The following MALL variants were observed in gnomAD, a reference collection of about 807,000 sequenced individuals.
MALL encodes mal, T cell differentiation protein like.
MALL carries 2 observed loss-of-function variants against 10.3 expected under a neutral mutation model. The ratio of observed to expected loss-of-function variants is 0.19; its 90% confidence interval spans 0.08 to 0.61. The LOEUF (loss-of-function observed/expected upper bound fraction) is 0.61. MALL is among the 20% of genes least tolerant of loss of function. The probability of loss-of-function intolerance (pLI) is 0.88; values close to 1 mark genes in which losing one functional copy is unlikely to be tolerated. For synonymous variants in MALL, 27 were observed against 51.8 expected (o/e 0.52, Z 2.05); for missense variants, 39 against 115.2 (o/e 0.34, Z 3.03).
intron 1 of MALL, among the ~76,000 whole-genome samples, chr2:110,104,760 TC>T (rs1678650441): frequency 6.6e-6 from 1 of 152,196 alleles, no homozygotes; most frequent in South Asian, 2.1e-4. Flanking sequence ...CCTGGAGTGC[TC>T]GTTGCATCTT....
rs547152044 is a variant in MALL at position 110,108,856 on chromosome 2, TACA to T, written c.105+6829_105+6831del. On this transcript the variant is annotated intron_variant, in intron 1 of 3. Coordinates refer to ENST00000272462, the MANE Select transcript of MALL (RefSeq NM_005434.5). ...GCAGCAGATTTCTCAGCAGAAACCCTACAACCTAGAAGAGACTGCGGACCTATC... is the reference window on the plus strand; with the variant it reads ...GCAGCAGATTTCTCAGCAGAAACCCTACCTAGAAGAGACTGCGGACCTATC... 9.4e-4 allele frequency among the ~76,000 whole-genome samples: 143 copies of T among 152,296 alleles called. 1 individual carries two copies. Among genetic ancestry groups the T allele is most frequent in the African/African-American group, 3.3e-3 (138 of 41,578 alleles).
intron 1 of MALL, among the ~76,000 whole-genome samples, chr2:110,095,742 C>A (rs1250511910): frequency 1.3e-5 from 2 of 151,506 alleles, no homozygotes; most frequent in Non-Finnish European, 2.9e-5. Flanking sequence ...TAAAAACACC[C>A]AGATTGGTGT....
intron 1 of MALL, among the ~76,000 whole-genome samples, chr2:110,110,726 G>C (rs532168421): frequency 6.6e-6 from 1 of 152,046 alleles, no homozygotes; most frequent in African/African-American, 2.4e-5. Context: ...TATGAAGCCA[G>C]CATCACCCTA....
At chr2:110,097,426 C>G (rs1469679456) in intron 1 of MALL, 3 of 454,770 alleles carry the variant, frequency 6.6e-6, no homozygotes, top group Non-Finnish European at 1.3e-5. Flanking sequence ...CGCGTGGGCA[C>G]TGGAGTCTCA....
intron 1 of MALL, among the ~76,000 whole-genome samples, chr2:110,104,324 C>T (rs1227457223): frequency 6.6e-6 from 1 of 152,186 alleles, no homozygotes; most frequent in East Asian, 1.9e-4. Context: ...TGAATCCCCT[C>T]TGTGTGAAGC....
rs1437794538 is a variant in MALL, at chr2:110,092,503, C to T, written c.106-733G>A. On this transcript the variant is annotated intron_variant, in intron 1 of 3. Transcript: ENST00000272462. ...CCATAAACATTGCAAATATATTCTG[C>T]TAGCATTCACATATTTTCTGGTTTC... Among the ~76,000 whole-genome samples the T allele has an allele frequency of 3.9e-3, 217 of 55,984 alleles. 3 individuals carry two copies. The highest frequency in any genetic ancestry group is 8.7e-3 in the African/African-American group (191 of 21,898). 36.7% of individuals were successfully genotyped at this position (55,984 alleles called of 152,430 possible).
chr2:110,108,738 A>C (rs906718930), intron 1 of MALL, among the ~76,000 whole-genome samples: 1 of 152,202 alleles, frequency 6.6e-6, no homozygotes, highest in Non-Finnish European at 1.5e-5. Context: ...GCACATTGTC[A>C]TCAGGTTATC....
At chr2:110,106,289 A>G (rs564308831) in intron 1 of MALL, among the ~76,000 whole-genome samples, 1 of 152,232 alleles carries the variant, frequency 6.6e-6, no homozygotes, top group Admixed American at 6.5e-5. Context: ...TCAGCTTATA[A>G]AAAAGCTGAT....
chr2:110,106,309 C>T (rs555626649), intron 1 of MALL, among the ~76,000 whole-genome samples: 16 of 152,224 alleles, frequency 1.1e-4, no homozygotes, highest in Non-Finnish European at 1.6e-4. Context: ...TGAGTCACCT[C>T]GTATCATACA....
chr2:110,115,542 C>T lies in MALL; in HGVS notation c.105+146G>A, dbSNP rs184708229. On this transcript the variant is annotated intron_variant, in intron 1 of 3. Coordinates refer to ENST00000272462, the MANE Select transcript of MALL (RefSeq NM_005434.5). ...CTGGGTCCGAGGCCGGTCTCCCCCC[C>T]CCTCTCTGCAGGTGGCCCCTGTGCT... 73 of 430,460 alleles carry T rather than the reference C, an allele frequency of 1.7e-4. 1 individual carries two copies. Among genetic ancestry groups the T allele is most frequent in the South Asian group, 1.7e-3 (19 of 11,254 alleles). 26.7% of individuals were successfully genotyped at this position (430,460 alleles called of 1,614,324 possible).
intron 1 of MALL, among the ~76,000 whole-genome samples, chr2:110,103,146 C>T (rs1033786124): frequency 1.3e-5 from 2 of 152,126 alleles, no homozygotes; most frequent in African/African-American, 2.4e-5. Context: ...TCTGGGACCC[C>T]GCTGGTATCT....
At chr2:110,091,472 TA>T in intron 2 of MALL, 130 bp downstream of exon 2, 1 of 1,099,792 alleles carries the variant, frequency 9.1e-7, no homozygotes, top group Non-Finnish European at 1.2e-6. Context: ...AGCGTGGTAG[TA>T]AAAATGGTAA....
intron 1 of MALL, chr2:110,097,663 G>C: frequency 2.5e-6 from 1 of 392,894 alleles, no homozygotes; most frequent in Non-Finnish European, 5.1e-6. Flanking sequence ...TGTGGCCAGG[G>C]CTCTGGGCTG....
chr2:110,097,108 A>AAG (rs61283232), intron 1 of MALL, among the ~76,000 whole-genome samples: 1 of 150,666 alleles, frequency 6.6e-6, no homozygotes, highest in Non-Finnish European at 1.5e-5. Context: ...AAAAAAAAAA[A>AAG]GAGAGAGAAA....
chr2:110,096,344 T>C (rs1227962333), intron 1 of MALL, among the ~76,000 whole-genome samples: 1 of 152,128 alleles, frequency 6.6e-6, no homozygotes, highest in Non-Finnish European at 1.5e-5. Flanking sequence ...CAGCTCTGCC[T>C]GGTGGGTAGG....
At chr2:110,104,423 G>A (rs553715447) in intron 1 of MALL, among the ~76,000 whole-genome samples, 4 of 152,216 alleles carry the variant, frequency 2.6e-5, no homozygotes, top group African/African-American at 4.8e-5. Context: ...CCCTCATTAC[G>A]CATCAGGCTC....
At chr2:110,092,519 T>C (rs1319385646) in intron 1 of MALL, among the ~76,000 whole-genome samples, 1 of 57,990 alleles carries the variant, frequency 1.7e-5, no homozygotes, top group East Asian at 4.8e-4. Context: ...TTCACATATT[T>C]TCTGGTTTCC....
chr2:110,099,963 C>T (rs1437300030), intron 1 of MALL, among the ~76,000 whole-genome samples: 2 of 152,034 alleles, frequency 1.3e-5, no homozygotes, highest in African/African-American at 4.8e-5. Context: ...GCTGAGGAGC[C>T]CCTGGGATTC....
chr2:110,116,784 G>A (rs1168819201), upstream of MALL, among the ~76,000 whole-genome samples: 2 of 152,124 alleles, frequency 1.3e-5, no homozygotes, highest in Non-Finnish European at 2.9e-5. Context: ...TCATTTTCCC[G>A]ACCCGCCCTG....
Sources: allele counts gnomAD v4.1 joint callset (sites outside exome capture counted in the v4.1 genomes callset), GRCh38; gene constraint gnomAD v4.1.1; transcripts MANE v1.5; gene names NCBI Gene and HGNC (gene_info 2026-07-23, HGNC 2026-07-21).